EDEM2: variants seen among roughly 807,000 people sequenced by gnomAD.
EDEM2 encodes the protein ER degradation-enhancing alpha-mannosidase-like protein 2.
EDEM2 carries 39 observed loss-of-function variants against 64.8 expected under a neutral mutation model. The ratio of observed to expected loss-of-function variants is 0.60; its 90% CI spans 0.47 to 0.79. The LOEUF is 0.79. EDEM2 is among the 30% of genes least tolerant of loss of function. EDEM2 has a pLI of 0.00. For synonymous variants in EDEM2, 296 were observed against 291.5 expected (o/e 1.02, Z -0.16); for missense variants, 609 against 731.3 (o/e 0.83, Z 1.93).
At chr20:35,123,046 T>C (rs2085387229) in intron 9 of EDEM2, among the ~76,000 whole-genome samples, 1 of 152,180 alleles carries the variant, frequency 6.6e-6, no homozygotes, top group Non-Finnish European at 1.5e-5. Flanking sequence ...TCAAATGACA[T>C]TAGGGCTAGA....
chr20:35,118,602 G>A lies in EDEM2; in HGVS notation c.1232C>T (p.Ala411Val). Residue 411 changes from alanine to valine, a missense_variant, in exon 10 of 11, where the codon GCA (alanine) becomes GTA (valine). Physicochemically the swap from Ala to Val is moderately conservative, Grantham distance 64 (BLOSUM62 0). Transcript: ENST00000374492. ...EKISKVECGF[A>V]TIKDLRDHKL... ...TGGGGCCATGCAAACACTTACTGTTGCAAATCCGCACTCCACCTTGCTGAT... is the reference window on the plus strand; with the variant it reads ...TGGGGCCATGCAAACACTTACTGTTACAAATCCGCACTCCACCTTGCTGAT... 6.2e-7 allele frequency: 1 copy of A among 1,614,032 alleles called. No individual in the cohort carries two copies. The highest frequency in any genetic ancestry group is 1.1e-5 in the South Asian group (1 of 91,082).
chr20:35,125,608 T>G (rs902350234), intron 8 of EDEM2, among the ~76,000 whole-genome samples: 2 of 151,930 alleles, frequency 1.3e-5, no homozygotes, highest in East Asian at 3.9e-4. Context: ...ATGGTCTCAA[T>G]CTCCTAACCT....
chr20:35,118,565 C>G, intron 10 of EDEM2, 33 bp downstream of exon 10: 1 of 1,613,516 alleles, frequency 6.2e-7, no homozygotes, highest in Non-Finnish European at 8.5e-7. Flanking sequence ...AGGGGAGACT[C>G]TTCCCAGTTC....
At chr20:35,138,131 A>C (rs2085602957) in intron 4 of EDEM2, 126 bp from the exon 5 acceptor site, 1 of 1,315,764 alleles carries the variant, frequency 7.6e-7, no homozygotes, top group South Asian at 1.5e-5. Flanking sequence ...GGACCTCCTG[A>C]AGCTATTTCA....
rs1460247455 is a variant in EDEM2, at chr20:35,141,770, C to T, written c.364+603G>A. ...CATTAGGTTTAGGGTGGAGTCTCAA[C>T]ATCTGAATTTTTTAACCACTTGGGA... On this transcript the variant is annotated intron_variant, in intron 4 of 10. Transcript: ENST00000374492. 3.3e-5 allele frequency among the ~76,000 whole-genome samples: 5 copies of T among 151,194 alleles called. No homozygotes were observed. The East Asian group carries it at 7.7e-4, about 23-fold the overall frequency.
In EDEM2 at chr20:35,140,757, G is replaced by A. The variant is rs1372309992; in HGVS notation, c.364+1616C>T. Among the ~76,000 whole-genome samples the A allele has an allele frequency of 4.6e-5, 7 of 152,108 alleles. No homozygotes were observed. In the South Asian group the frequency reaches 1.5e-3, roughly 32 times the overall value. On this transcript the variant is annotated intron_variant, in intron 4 of 10. Transcript: ENST00000374492. ...GTGCATAATTTCCATATTAGTAAGAGGAAAATGGAATGGGGGGAAAACAAT... is the reference window on the plus strand; with the variant it reads ...GTGCATAATTTCCATATTAGTAAGAAGAAAATGGAATGGGGGGAAAACAAT...
intron 3 of EDEM2, among the ~76,000 whole-genome samples, chr20:35,142,913 A>G (rs191430779): frequency 8.0e-4 from 121 of 152,140 alleles, no homozygotes; most frequent in South Asian, 5.8e-3. Context: ...ATGCACCACC[A>G]TGCCCGGCTA....
At chr20:35,138,082 G>A (rs1197969669) in intron 4 of EDEM2, 77 bp from the exon 5 acceptor site, 23 of 1,564,886 alleles carry the variant, frequency 1.5e-5, no homozygotes, top group Non-Finnish European at 1.9e-5. Flanking sequence ...CCCTGTGCGA[G>A]TTAAACATAA....
At chr20:35,146,710 T>C in intron 2 of EDEM2, 115 bp downstream of exon 2, 1 of 1,137,930 alleles carries the variant, frequency 8.8e-7, no homozygotes. Context: ...CTAGCTCAGC[T>C]GGGAGCTTTC....
Position 35,123,990 on chromosome 20 carries a change from G to C in EDEM2, c.1014C>G (p.Asn338Lys), listed in dbSNP as rs770890302. Reference protein sequence around the residue: ...DIDNAMRTFLNYYTVWKQFGG... With the variant: ...DIDNAMRTFLKYYTVWKQFGG... ...CAAACTGCTTCCATACAGTGTAGTA[G>C]TTGAGGAAGGTCCTCATGGCATTGT... Residue 338 changes from asparagine to lysine, a missense_variant, in exon 9 of 11, where the codon AAC (asparagine) becomes AAG (lysine). Coordinates refer to ENST00000374492, the MANE Select transcript of EDEM2 (RefSeq NM_018217.3). 2 of 1,614,114 alleles carry C rather than the reference G, an allele frequency of 1.2e-6. No homozygotes were observed. Among genetic ancestry groups the C allele is most frequent in the South Asian group, 2.2e-5 (2 of 91,082 alleles).
At position 35,134,939 on chromosome 20, in the gene EDEM2, G is replaced by A. The variant is rs750047372; in HGVS notation, c.501C>T (p.Thr167=). 3 of 1,613,838 alleles carry A rather than the reference G, an allele frequency of 1.9e-6. No individual in the cohort carries two copies. The highest frequency in any genetic ancestry group is 2.5e-6 in the Non-Finnish European group (3 of 1,180,048). ...AARKLLPAFQ[T]PTGMPYGTVN... ...CTGTTCCATATGGCATGCCAGTGGGGGTCTGAAAGGCTGAACAATCGACAA... is the reference window on the plus strand; with the variant it reads ...CTGTTCCATATGGCATGCCAGTGGGAGTCTGAAAGGCTGAACAATCGACAA... The change falls in exon 6 of 11, where the codon ACC becomes ACT. Residue 167 remains threonine, a synonymous_variant. Coordinates refer to ENST00000374492, the MANE Select transcript of EDEM2 (RefSeq NM_018217.3).
chr20:35,147,059 C>G (rs2085744066), intron 1 of EDEM2, 93 bp downstream of exon 1: 1 of 1,541,846 alleles, frequency 6.5e-7, no homozygotes, highest in Non-Finnish European at 8.8e-7. Flanking sequence ...GCGGCTGTGT[C>G]GGAGCAAGTC....
At chr20:35,136,754 GAAAAAA>G (rs11481205) in intron 5 of EDEM2, among the ~76,000 whole-genome samples, 1 of 102,224 alleles carries the variant, frequency 9.8e-6, no homozygotes, top group East Asian at 2.8e-4. Context: ...GACCCTGTCT[GAAAAAA>G]AAAAAAAAAA....
At chr20:35,130,636 T>A (rs1316187306) in intron 7 of EDEM2, among the ~76,000 whole-genome samples, 1 of 152,150 alleles carries the variant, frequency 6.6e-6, no homozygotes, top group Non-Finnish European at 1.5e-5. Flanking sequence ...ACTACAGGCG[T>A]GAGCCACTGC....
chr20:35,137,397 C>T lies in EDEM2; in HGVS notation c.490+483G>A, dbSNP rs542544063. Among the ~76,000 whole-genome samples, 8 of 152,208 alleles carry T rather than the reference C, an allele frequency of 5.3e-5. No individual in the cohort carries two copies. In the South Asian group the frequency reaches 1.7e-3, roughly 32 times the overall value. On this transcript the variant is annotated intron_variant, in intron 5 of 10. Coordinates refer to ENST00000374492, the MANE Select transcript of EDEM2 (RefSeq NM_018217.3). ...TTGTGCCACTGCACTCCAGCCTGGG[C>T]GACAGAACAAGACTCCATCACAAAC...
intron 10 of EDEM2, 191 bp downstream of exon 10, chr20:35,118,407 T>G: frequency 1.3e-5 from 10 of 767,054 alleles, no homozygotes; most frequent in African/African-American, 1.8e-5. Context: ...CTACTAGCTG[T>G]GAGATCTTTA....
intron 7 of EDEM2, among the ~76,000 whole-genome samples, chr20:35,130,814 C>T (rs1248658031): frequency 6.6e-6 from 1 of 152,164 alleles, no homozygotes; most frequent in Non-Finnish European, 1.5e-5. Context: ...TTGCTAGTGT[C>T]TAAGGGCCTG....
In EDEM2 at chr20:35,134,729, C is replaced by A. The variant is rs370537963; in HGVS notation, c.702+9G>T. The A allele has an allele frequency of 1.2e-6, 2 of 1,612,246 alleles. No individual in the cohort carries two copies. Among genetic ancestry groups the A allele is most frequent in the East Asian group, 4.5e-5 (2 of 44,882 alleles). Reference sequence around the variant, plus strand: ...GGGACTCAAACAGGAAGGGCAGCAGCGAACCTACCAGCCCGATATCTGACC... The same window carrying A: ...GGGACTCAAACAGGAAGGGCAGCAGAGAACCTACCAGCCCGATATCTGACC... On this transcript the variant is annotated intron_variant, in intron 6 of 10. Transcript: ENST00000374492.
chr20:35,125,201 C>A (rs2085415317), intron 8 of EDEM2, among the ~76,000 whole-genome samples: 2 of 128,000 alleles, frequency 1.6e-5, no homozygotes, highest in South Asian at 4.9e-4. Context: ...CCGGTGGCCA[C>A]TTTTTTTTTT....
Sources: gnomAD v4.1 joint callset for allele counts (sites outside exome capture counted in the v4.1 genomes callset) on GRCh38, gnomAD v4.1.1 for gene constraint, MANE v1.5 for transcripts, NCBI Gene and HGNC (gene_info 2026-07-23, HGNC 2026-07-21) for gene names.